The following LRRC75A variants were observed in gnomAD, a reference collection of about 807,000 sequenced individuals.
The protein encoded by LRRC75A is leucine-rich repeat-containing protein 75A.
Under a neutral mutation model 26.0 loss-of-function variants are expected in LRRC75A, and 12 were observed. That is an observed-to-expected ratio of 0.46 (90% CI 0.30 to 0.75). LRRC75A has a LOEUF of 0.75. LRRC75A is among the 30% of genes least tolerant of loss of function. The pLI is 0.08. For synonymous variants in LRRC75A, 223 were observed against 219.3 expected, an observed-to-expected ratio of 1.02 and a Z score of -0.15; for missense variants, 410 against 486.6, an observed-to-expected ratio of 0.84 and a Z score of 1.48.
chr17:16,476,613 G>A (rs531719378), intron 1 of LRRC75A, among the ~76,000 whole-genome samples: 27 of 151,710 alleles, frequency 1.8e-4, no homozygotes, highest in African/African-American at 6.3e-4. Context: ...CACCCAGGCT[G>A]GAGTGCAGTG....
Position 16,492,089 on chromosome 17 carries a change from C to T in LRRC75A, c.-99G>A. ...CGCCCGTGCGCGCTCGCCTCCCGGG[C>T]TGCAACTTTGGGGGAACTGTTGCGC... On this transcript the variant is annotated 5_prime_UTR_variant, in exon 1 of 4. Transcript: ENST00000470794. 2.9e-6 allele frequency: 3 copies of T among 1,022,800 alleles called. No individual in the cohort carries two copies. The highest frequency in any genetic ancestry group is 4.6e-5 in the South Asian group (1 of 21,804). The allele number at this position is 1,022,800 out of a possible 1,614,324, so 63.4% of individuals were successfully genotyped here. A position where few individuals can be genotyped will look rare whatever the true frequency, so the allele number is the denominator to read the frequency against.
At chr17:16,461,001 C>T (rs1236643683) in intron 2 of LRRC75A, 1 of 152,556 alleles carries the variant, frequency 6.6e-6, no homozygotes, top group Non-Finnish European at 1.5e-5. Flanking sequence ...CACCAGCTTT[C>T]CTTCCCCTCC....
rs780204244 is a variant in LRRC75A, at chr17:16,443,831, C to T, written c.792G>A (p.Thr264=). 24 of 1,613,874 alleles carry T rather than the reference C, an allele frequency of 1.5e-5. 1 individual carries two copies. The African/African-American group carries it at 1.9e-4, about 13-fold the overall frequency. ...LKDPSKFPNV[T]WIDLGNNVDI... The stretch of plus-strand genomic sequence containing the variant: ...CCACGTTGTTGCCCAGGTCAATCCA[C>T]GTGACATTGGGGAACTTGCTGGGAT... Residue 264 remains threonine (T), a synonymous_variant, in exon 4 of 4, where the codon ACG becomes ACA. Transcript: ENST00000470794.
chr17:16,443,774 G>A lies in LRRC75A; in HGVS notation c.849C>T (p.Leu283=), dbSNP rs765056090. Residue 283 remains leucine, a synonymous_variant, in exon 4 of 4, where the codon CTC becomes CTT. Transcript: ENST00000470794. ...DIFSLPQPFL[L]SLRKRSPKQG... ...GCTTTGGGGAGCGCTTGCGCAGGCT[G>A]AGCAGGAAGGGCTGGGGCAAGGAGA... 3 of 1,613,858 alleles carry A rather than the reference G, an allele frequency of 1.9e-6. No homozygotes were observed. Among genetic ancestry groups the A allele is most frequent in the Non-Finnish European group, 2.5e-6 (3 of 1,179,738 alleles).
chr17:16,455,126 T>G (rs1353034341), intron 2 of LRRC75A, among the ~76,000 whole-genome samples: 1 of 151,846 alleles, frequency 6.6e-6, no homozygotes, highest in Non-Finnish European at 1.5e-5. Context: ...AGAGACAGGG[T>G]TTCACTATGT....
intron 1 of LRRC75A, among the ~76,000 whole-genome samples, chr17:16,476,582 T>G (rs917017559): frequency 3.2e-4 from 48 of 151,734 alleles, no homozygotes; most frequent in African/African-American, 1.2e-3. Context: ...CTTTTTTTTT[T>G]GAGGCTGAAT....
At chr17:16,458,990 C>A (rs1370685078) in intron 2 of LRRC75A, among the ~76,000 whole-genome samples, 1 of 152,220 alleles carries the variant, frequency 6.6e-6, no homozygotes, top group Admixed American at 6.5e-5. Context: ...CTCACCCTGC[C>A]TCTGGCAATA....
intron 2 of LRRC75A, among the ~76,000 whole-genome samples, chr17:16,455,037 A>G (rs1467830955): frequency 6.6e-6 from 1 of 150,804 alleles, no homozygotes; most frequent in Admixed American, 6.6e-5. Context: ...GGTTCAAGTG[A>G]TTCTCCTGGC....
At chr17:16,446,425 A>T (rs2093586308) in intron 3 of LRRC75A, among the ~76,000 whole-genome samples, 1 of 152,210 alleles carries the variant, frequency 6.6e-6, no homozygotes, top group Non-Finnish European at 1.5e-5. Context: ...CACATGAAAA[A>T]GTAAGCATGG....
chr17:16,484,434 T>C (rs1276014390), intron 1 of LRRC75A, among the ~76,000 whole-genome samples: 2 of 152,134 alleles, frequency 1.3e-5, no homozygotes, highest in African/African-American at 4.8e-5. Context: ...TAGAAAGCCA[T>C]GTGCAGATTG....
chr17:16,452,432 ATTTTT>A (rs34922220), intron 2 of LRRC75A, among the ~76,000 whole-genome samples: 1 of 144,984 alleles, frequency 6.9e-6, no homozygotes, highest in Non-Finnish European at 1.5e-5. Flanking sequence ...AGGCACAGGG[ATTTTT>A]TTTTTTTTCT....
rs180873053 is a variant in LRRC75A at position 16,474,924 on chromosome 17, C to T, written c.247-12538G>A. 2.4e-3 allele frequency among the ~76,000 whole-genome samples: 363 copies of T among 148,862 alleles called. 6 individuals are homozygous for T. Among genetic ancestry groups the T allele is most frequent in the African/African-American group, 8.6e-3 (347 of 40,232 alleles). Reference sequence around the variant, plus strand: ...AGGAGAATGGCGTGAACCCAGGAGGCGGAGCTTGCAGTGAGCCAAGATTGT... The same window carrying T: ...AGGAGAATGGCGTGAACCCAGGAGGTGGAGCTTGCAGTGAGCCAAGATTGT... On this transcript the variant is annotated intron_variant, in intron 1 of 3. Transcript: ENST00000470794.
At chr17:16,478,067 G>A (rs547176141) in intron 1 of LRRC75A, among the ~76,000 whole-genome samples, 1 of 151,934 alleles carries the variant, frequency 6.6e-6, no homozygotes, top group Non-Finnish European at 1.5e-5. Flanking sequence ...GGTCTCTCTC[G>A]GTGGACTCCC....
Position 16,443,476 on chromosome 17 carries a change from G to T in LRRC75A, c.*112C>A. ...TGCCTTTCTGTAGGTGGGTGGCCCAGGCCAATTTTTGGCAATATCCTTAAC... is the reference window on the plus strand; with the variant it reads ...TGCCTTTCTGTAGGTGGGTGGCCCATGCCAATTTTTGGCAATATCCTTAAC... On this transcript the variant is annotated 3_prime_UTR_variant, in exon 4 of 4. Transcript: ENST00000470794. The T allele has an allele frequency of 9.5e-7, 1 of 1,053,444 alleles. No individual in the cohort carries two copies. Among genetic ancestry groups the T allele is most frequent in the Non-Finnish European group, 1.3e-6 (1 of 757,510 alleles). The allele number at this position is 1,053,444 out of a possible 1,614,324, so 65.3% of individuals were successfully genotyped here. A position where few individuals can be genotyped will look rare whatever the true frequency, so the allele number is the denominator to read the frequency against.
chr17:16,464,269 G>A (rs79481443), intron 1 of LRRC75A, among the ~76,000 whole-genome samples: 8,990 of 152,276 alleles, frequency 0.059, 891 homozygotes, highest in African/African-American at 0.2. Flanking sequence ...GGTCTGTCAT[G>A]GATGCAGTCA....
intron 2 of LRRC75A, among the ~76,000 whole-genome samples, chr17:16,455,185 G>A (rs2093667122): frequency 6.6e-6 from 1 of 152,014 alleles, no homozygotes; most frequent in African/African-American, 2.4e-5. Flanking sequence ...CGCCTGCCTC[G>A]GCCTCCCAAA....
intron 1 of LRRC75A, among the ~76,000 whole-genome samples, chr17:16,476,968 G>A (rs1401541937): frequency 2.0e-5 from 3 of 151,090 alleles, no homozygotes; most frequent in Non-Finnish European, 2.9e-5. Context: ...TCAATCTCCT[G>A]ACCTTGTGAT....
At chr17:16,468,608 G>A (rs1192792982) in intron 1 of LRRC75A, among the ~76,000 whole-genome samples, 1 of 152,234 alleles carries the variant, frequency 6.6e-6, no homozygotes, top group South Asian at 2.1e-4. Flanking sequence ...TGTCCGTTTT[G>A]CAAGATGAGA....
At chr17:16,453,204 G>A (rs540330927) in intron 2 of LRRC75A, among the ~76,000 whole-genome samples, 3 of 152,176 alleles carry the variant, frequency 2.0e-5, no homozygotes, top group East Asian at 3.9e-4. Flanking sequence ...CAGGAGAATC[G>A]CTTGAACCCG....
Sources: allele counts gnomAD v4.1 joint callset (sites outside exome capture counted in the v4.1 genomes callset), GRCh38; gene constraint gnomAD v4.1.1; transcripts MANE v1.5; gene names NCBI Gene and HGNC (gene_info 2026-07-23, HGNC 2026-07-21).